Variants in CHMP4C observed in about 807,000 individuals in gnomAD.
CHMP4C encodes the protein charged multivesicular body protein 4C.
A neutral mutation model predicts 29.0 loss-of-function variants in CHMP4C; 28 were observed. The ratio of observed to expected loss-of-function variants is 0.97; its 90% confidence interval spans 0.72 to 1.32. The LOEUF (loss-of-function observed/expected upper bound fraction) is 1.32. Ranked by LOEUF, CHMP4C falls within the 40% of genes most tolerant of loss-of-function variation. The probability of loss-of-function intolerance (pLI) is 0.00; values close to 1 mark genes in which losing one functional copy is unlikely to be tolerated. For missense variants in CHMP4C, 291 were observed against 281.0 expected (o/e 1.04, Z -0.25); for synonymous variants, 106 against 102.4 (o/e 1.04, Z -0.21).
At chr8:81,742,554 A>C (rs1475553750) in intron 1 of CHMP4C, among the ~76,000 whole-genome samples, 2 of 152,192 alleles carry the variant, frequency 1.3e-5, no homozygotes, top group African/African-American at 4.8e-5. Flanking sequence ...TTAAATATGA[A>C]GTCTTAGTGA....
At chr8:81,755,685 T>A (rs1808963586) in intron 3 of CHMP4C, among the ~76,000 whole-genome samples, 1 of 152,202 alleles carries the variant, frequency 6.6e-6, no homozygotes, top group South Asian at 2.1e-4. Context: ...AGTGGCCTGA[T>A]TAAGTTTTCA....
chr8:81,742,529 C>T (rs1393741406), intron 1 of CHMP4C, among the ~76,000 whole-genome samples: 2 of 152,140 alleles, frequency 1.3e-5, no homozygotes, highest in African/African-American at 4.8e-5. Flanking sequence ...GTACTTTGGA[C>T]ATTTTATTCT....
chr8:81,742,575 C>T (rs1057276896), intron 1 of CHMP4C, among the ~76,000 whole-genome samples: 1 of 152,116 alleles, frequency 6.6e-6, no homozygotes, highest in Non-Finnish European at 1.5e-5. Context: ...ATCTTTTTGG[C>T]TCTATCACAT....
chr8:81,750,662 G>C (rs1808889989), intron 1 of CHMP4C, among the ~76,000 whole-genome samples: 1 of 151,836 alleles, frequency 6.6e-6, no homozygotes, highest in Non-Finnish European at 1.5e-5. Flanking sequence ...TATATTATAG[G>C]CATTTCAAAA....
At chr8:81,745,585 T>C (rs994312312) in intron 1 of CHMP4C, among the ~76,000 whole-genome samples, 3 of 152,236 alleles carry the variant, frequency 2.0e-5, no homozygotes, top group Non-Finnish European at 4.4e-5. Context: ...CTTGGCAGCA[T>C]AGTGGAGTTG....
At chr8:81,733,874 C>A (rs938590380) in intron 1 of CHMP4C, among the ~76,000 whole-genome samples, 10 of 152,138 alleles carry the variant, frequency 6.6e-5, no homozygotes, top group Admixed American at 1.3e-4. Context: ...CATAATGAAG[C>A]CTTGGGAAGA....
At chr8:81,758,077 T>C in intron 3 of CHMP4C, 65 bp from the exon 4 acceptor site, 4 of 1,452,358 alleles carry the variant, frequency 2.8e-6, no homozygotes, top group Non-Finnish European at 3.8e-6. Flanking sequence ...TTCTTGTTAT[T>C]GTGTTTGAGG....
At chr8:81,735,252 TC>T in intron 1 of CHMP4C, among the ~76,000 whole-genome samples, 1 of 152,272 alleles carries the variant, frequency 6.6e-6, no homozygotes, top group South Asian at 2.1e-4. Flanking sequence ...GGTGTTAGTG[TC>T]TAGAAACTCC....
intron 1 of CHMP4C, among the ~76,000 whole-genome samples, chr8:81,736,670 G>A (rs1585940334): frequency 6.6e-6 from 1 of 152,170 alleles, no homozygotes; most frequent in Non-Finnish European, 1.5e-5. Flanking sequence ...CCTCTAATAG[G>A]GCACAGCACC....
intron 1 of CHMP4C, among the ~76,000 whole-genome samples, chr8:81,748,752 C>G (rs1272217552): frequency 6.6e-6 from 1 of 151,828 alleles, no homozygotes; most frequent in African/African-American, 2.4e-5. Context: ...ATGGTGAAAC[C>G]CTATCTCTAA....
chr8:81,733,593 G>A (rs565974690), intron 1 of CHMP4C, among the ~76,000 whole-genome samples: 97 of 152,068 alleles, frequency 6.4e-4, no homozygotes, highest in Non-Finnish European at 1.2e-3. Context: ...ACACACAAGA[G>A]ACTTTGAGTC....
chr8:81,746,572 A>C (rs1320774822), intron 1 of CHMP4C, among the ~76,000 whole-genome samples: 1 of 152,184 alleles, frequency 6.6e-6, no homozygotes, highest in East Asian at 1.9e-4. Context: ...ACAAAGAAGG[A>C]CTTTTCCCTG....
At chr8:81,745,071 T>C (rs1392984952) in intron 1 of CHMP4C, among the ~76,000 whole-genome samples, 1 of 152,212 alleles carries the variant, frequency 6.6e-6, no homozygotes, top group Non-Finnish European at 1.5e-5. Flanking sequence ...AGATTGTGCT[T>C]TTTGAAAACC....
intron 1 of CHMP4C, among the ~76,000 whole-genome samples, chr8:81,746,914 A>G (rs1226281162): frequency 1.3e-5 from 2 of 152,212 alleles, no homozygotes; most frequent in Admixed American, 1.3e-4. Flanking sequence ...TTTAGTAATC[A>G]CTCACTATGT....
At chr8:81,741,721 C>G (rs1288866687) in intron 1 of CHMP4C, among the ~76,000 whole-genome samples, 1 of 152,156 alleles carries the variant, frequency 6.6e-6, no homozygotes, top group Admixed American at 6.5e-5. Flanking sequence ...TTAAGATATA[C>G]AGATGATATT....
At position 81,758,199 on chromosome 8, in the gene CHMP4C, A is replaced by G. The variant is rs1808995310; in HGVS notation, c.541A>G (p.Thr181Ala). 1 of 1,613,788 alleles carries G rather than the reference A, an allele frequency of 6.2e-7. No homozygotes were observed. The highest frequency in any genetic ancestry group is 8.5e-7 in the Non-Finnish European group (1 of 1,179,892). Reference sequence around the variant, plus strand: ...ACAGGAGGAATTAAATAAGAAGATGACAAATATCCGCCTTCCAAATGTGCC... The same window carrying G: ...ACAGGAGGAATTAAATAAGAAGATGGCAAATATCCGCCTTCCAAATGTGCC... ...LEQEELNKKMTNIRLPNVPSS... is the reference protein window; with the variant it reads ...LEQEELNKKMANIRLPNVPSS... Residue 181 changes from threonine (T) to alanine (A), a missense_variant, in exon 4 of 5, where the codon ACA (threonine) becomes GCA (alanine). Transcript: ENST00000297265.
At chr8:81,732,898 G>A in intron 1 of CHMP4C, 82 bp downstream of exon 1, 1 of 1,346,378 alleles carries the variant, frequency 7.4e-7, no homozygotes, top group Non-Finnish European at 1.0e-6. Flanking sequence ...CACCACTGAG[G>A]TCCCCAGGTG....
chr8:81,738,042 C>G (rs1337556524), intron 1 of CHMP4C, among the ~76,000 whole-genome samples: 1 of 152,214 alleles, frequency 6.6e-6, no homozygotes, highest in African/African-American at 2.4e-5. Context: ...AGGGGCAGGT[C>G]AAGGATGAGG....
At chr8:81,755,547 A>C (rs780576088) in intron 3 of CHMP4C, 63 bp downstream of exon 3, 24 of 901,284 alleles carry the variant, frequency 2.7e-5, no homozygotes, top group Admixed American at 1.7e-4. Flanking sequence ...TTCCTGTCAT[A>C]TATAGTAGGC....
Sources: allele counts gnomAD v4.1 joint callset (sites outside exome capture counted in the v4.1 genomes callset), GRCh38; gene constraint gnomAD v4.1.1; transcripts MANE v1.5; gene names NCBI Gene and HGNC (gene_info 2026-07-23, HGNC 2026-07-21).